Variants in SNX29 observed in about 807,000 individuals in gnomAD.
The protein encoded by SNX29 is sorting nexin-29.
A neutral mutation model predicts 102.1 loss-of-function variants in SNX29; 78 were observed. That is an observed-to-expected ratio of 0.76 (90% CI 0.64 to 0.92). The LOEUF is 0.92. Ranked by LOEUF, SNX29 falls within the 40% of genes least tolerant of loss-of-function variation. The pLI is 0.00. For synonymous variants in SNX29, 580 were observed against 414.5 expected (o/e 1.40, Z -4.85); for missense variants, 1,280 against 1,061.7 (o/e 1.21, Z -2.86).
intron 2 of SNX29, chr16:12,000,278 A>C (rs2151016894): frequency 6.5e-6 from 1 of 152,858 alleles, no homozygotes; most frequent in South Asian, 2.1e-4. Context: ...TAAGCACTTT[A>C]TATTTAATCC....
chr16:12,105,792 C>T (rs1287363183), intron 11 of SNX29, among the ~76,000 whole-genome samples: 9 of 152,124 alleles, frequency 5.9e-5, no homozygotes, highest in Admixed American at 1.3e-4. Context: ...AGCCACAGTC[C>T]TTGGAGTGGA....
intron 13 of SNX29, among the ~76,000 whole-genome samples, chr16:12,145,549 G>A (rs925225293): frequency 2.0e-5 from 3 of 152,030 alleles, no homozygotes; most frequent in East Asian, 1.9e-4. Flanking sequence ...TCTTAAGTCC[G>A]GGAATACCAG....
At chr16:12,417,586 A>G in intron 18 of SNX29, among the ~76,000 whole-genome samples, 1 of 146,436 alleles carries the variant, frequency 6.8e-6, no homozygotes, top group East Asian at 2.0e-4. Context: ...CCTCCTTCTC[A>G]TTCCTTTTCC....
intron 19 of SNX29, among the ~76,000 whole-genome samples, chr16:12,489,894 C>T (rs2088456224): frequency 1.3e-5 from 2 of 152,188 alleles, no homozygotes; most frequent in South Asian, 2.1e-4. Flanking sequence ...CAACCTCTAC[C>T]TCCTGGGTTC....
rs66825746 is a variant in SNX29 at position 12,557,015 on chromosome 16, A to ACACCCCCCCCCCCCCCCCCCCCCC, written c.2319-11490_2319-11489insACCCCCCCCCCCCCCCCCCCCCCC. On this transcript the variant is annotated intron_variant, in intron 20 of 20. Transcript: ENST00000566228. Reference sequence around the variant, plus strand: ...GGTACACACCACATCTGGCTAATTTACCCCCCCCCCGCCCCAAGATGAGGT... The same window carrying ACACCCCCCCCCCCCCCCCCCCCCC: ...GGTACACACCACATCTGGCTAATTTACACCCCCCCCCCCCCCCCCCCCCCCCCCCCCCCCGCCCCAAGATGAGGT... Among the ~76,000 whole-genome samples the ACACCCCCCCCCCCCCCCCCCCCCC allele has an allele frequency of 9.4e-5, 3 of 31,838 alleles. 1 individual carries two copies. Among genetic ancestry groups the ACACCCCCCCCCCCCCCCCCCCCCC allele is most frequent in the Middle Eastern group, 0.04 (2 of 50 alleles). The allele number at this position is 31,838 out of a possible 152,430, so 20.9% of individuals were successfully genotyped here.
intron 13 of SNX29, among the ~76,000 whole-genome samples, chr16:12,158,554 A>G (rs1334995346): frequency 1.3e-5 from 2 of 152,136 alleles, no homozygotes; most frequent in Non-Finnish European, 2.9e-5. Context: ...GCATTCTCAC[A>G]TATTTTGTGG....
At chr16:12,285,727 A>T (rs955560153) in intron 15 of SNX29, among the ~76,000 whole-genome samples, 2 of 152,248 alleles carry the variant, frequency 1.3e-5, no homozygotes, top group African/African-American at 4.8e-5. Context: ...TCATTTTTGT[A>T]TAAGAGCAGC....
chr16:12,555,212 G>A (rs1233228181), intron 20 of SNX29, among the ~76,000 whole-genome samples: 1 of 152,034 alleles, frequency 6.6e-6, no homozygotes, highest in Admixed American at 6.5e-5. Context: ...ACTATGGGCA[G>A]CTGCTGGGTA....
intron 3 of SNX29, among the ~76,000 whole-genome samples, chr16:12,005,874 G>A (rs1398064186): frequency 1.3e-5 from 2 of 152,242 alleles, no homozygotes; most frequent in African/African-American, 2.4e-5. Context: ...TCTGAAATCC[G>A]AAACATTTCT....
At chr16:12,376,207 G>A (rs1284782682) in intron 16 of SNX29, among the ~76,000 whole-genome samples, 1 of 152,154 alleles carries the variant, frequency 6.6e-6, no homozygotes. Context: ...GCACACCACA[G>A]GAATATCACT....
intron 15 of SNX29, among the ~76,000 whole-genome samples, chr16:12,325,370 C>G (rs112099630): frequency 1.3e-5 from 2 of 152,100 alleles, no homozygotes; most frequent in Admixed American, 6.5e-5. Flanking sequence ...GTTTCCTTTG[C>G]GAAAATTATT....
chr16:12,199,513 C>T, intron 13 of SNX29, 88 bp from the exon 14 acceptor site: 1 of 1,126,630 alleles, frequency 8.9e-7, no homozygotes, highest in African/African-American at 1.6e-5. Flanking sequence ...TTTCTTTACA[C>T]AAATTCACCA....
intron 17 of SNX29, among the ~76,000 whole-genome samples, chr16:12,401,855 G>C (rs778055789): frequency 6.0e-4 from 91 of 152,338 alleles, no homozygotes; most frequent in Middle Eastern, 3.4e-3. Flanking sequence ...CTAGGAGGGA[G>C]ATGGGTCACT....
At chr16:12,409,977 C>A (rs890048053) in intron 18 of SNX29, among the ~76,000 whole-genome samples, 1 of 151,942 alleles carries the variant, frequency 6.6e-6, no homozygotes, top group Non-Finnish European at 1.5e-5. Flanking sequence ...TTCAGCAAAG[C>A]GTTTTTTTTG....
At chr16:12,291,571 C>A (rs2079796279) in intron 15 of SNX29, among the ~76,000 whole-genome samples, 1 of 152,194 alleles carries the variant, frequency 6.6e-6, no homozygotes, top group African/African-American at 2.4e-5. Flanking sequence ...GCTGTGATCA[C>A]CCCTGGGCAC....
chr16:12,120,440 G>A (rs757957906), intron 11 of SNX29, among the ~76,000 whole-genome samples: 2 of 152,210 alleles, frequency 1.3e-5, no homozygotes, highest in African/African-American at 4.8e-5. Context: ...GCGTCCACAC[G>A]TCACCCTGTC....
intron 3 of SNX29, among the ~76,000 whole-genome samples, chr16:12,013,500 A>AAAAAATATATATATATATATAT: frequency 3.2e-5 from 1 of 31,630 alleles, no homozygotes; most frequent in Non-Finnish European, 6.1e-5. Flanking sequence ...AAAAAAAAAA[A>AAAAAATATATATATATATATAT]ATATATATAT....
chr16:12,153,992 G>A (rs969917963), intron 13 of SNX29, among the ~76,000 whole-genome samples: 1 of 152,122 alleles, frequency 6.6e-6, no homozygotes, highest in African/African-American at 2.4e-5. Context: ...TAAACTGCTG[G>A]GAGGTATTTT....
chr16:12,317,273 A>C (rs973967884), intron 15 of SNX29, among the ~76,000 whole-genome samples: 11 of 152,178 alleles, frequency 7.2e-5, no homozygotes, highest in Non-Finnish European at 1.5e-4. Flanking sequence ...ACTTGGGTGC[A>C]GGGACCTTCG....
Sources: allele counts gnomAD v4.1 joint callset (sites outside exome capture counted in the v4.1 genomes callset), GRCh38; gene constraint gnomAD v4.1.1; transcripts MANE v1.5; gene names NCBI Gene and HGNC (gene_info 2026-07-23, HGNC 2026-07-21).